The following SMAD1 variants were observed in gnomAD, a reference collection of about 807,000 sequenced individuals.
SMAD1 encodes the protein MAD, mothers against decapentaplegic homolog 1.
SMAD1 carries 6 observed loss-of-function variants against 41.6 expected under a neutral mutation model. The observed-to-expected ratio is 0.14, with a 90% CI of 0.08 to 0.28. The LOEUF (loss-of-function observed/expected upper bound fraction) is 0.28. Ranked by LOEUF, SMAD1 falls within the 10% of genes least tolerant of loss-of-function variation. The pLI is 1.00. For synonymous variants in SMAD1, 206 were observed against 203.2 expected (o/e 1.01, Z -0.12); for missense variants, 379 against 582.6 (o/e 0.65, Z 3.60).
intron 6 of SMAD1, among the ~76,000 whole-genome samples, chr4:145,554,260 G>A (rs1302677047): frequency 6.6e-6 from 1 of 151,790 alleles, no homozygotes; most frequent in Non-Finnish European, 1.5e-5. Context: ...ATAGCAGTAG[G>A]TTTTACTAGC....
chr4:145,549,537 A>G (rs1215957663), intron 5 of SMAD1, among the ~76,000 whole-genome samples: 5 of 152,236 alleles, frequency 3.3e-5, no homozygotes, highest in African/African-American at 4.8e-5. Context: ...GTAAATTGTC[A>G]CAATAGATGC....
intron 2 of SMAD1, among the ~76,000 whole-genome samples, chr4:145,531,371 T>C (rs1731310778): frequency 6.6e-6 from 1 of 152,200 alleles, no homozygotes; most frequent in South Asian, 2.1e-4. Context: ...AGGCATCATA[T>C]TGGGCACAGC....
chr4:145,493,996 C>G (rs1728917477), intron 1 of SMAD1, among the ~76,000 whole-genome samples: 1 of 152,214 alleles, frequency 6.6e-6, no homozygotes, highest in Non-Finnish European at 1.5e-5. Flanking sequence ...GAGTCTCACC[C>G]TGTCGCCCAG....
chr4:145,545,993 G>T (rs1436383154), intron 4 of SMAD1: 2 of 152,212 alleles, frequency 1.3e-5, no homozygotes, highest in Non-Finnish European at 2.9e-5. Context: ...TCTGGGAATG[G>T]AGAGACAAAA....
At position 145,528,624 on chromosome 4, in the gene SMAD1, A is replaced by G. The variant is rs1205504229; in HGVS notation, c.401-11180A>G. 2.0e-5 allele frequency among the ~76,000 whole-genome samples: 3 copies of G among 152,212 alleles called. No homozygotes were observed. The East Asian group carries it at 5.8e-4, about 29-fold the overall frequency. Reference sequence around the variant, plus strand: ...TCAAATATAAACTCAGAATGAGCTGAATATAATTAATTCAGCTGCAGTTAC... The same window carrying G: ...TCAAATATAAACTCAGAATGAGCTGGATATAATTAATTCAGCTGCAGTTAC... On this transcript the variant is annotated intron_variant, in intron 2 of 6. Coordinates refer to ENST00000302085, the MANE Select transcript of SMAD1 (RefSeq NM_005900.3).
intron 2 of SMAD1, among the ~76,000 whole-genome samples, chr4:145,528,157 G>T: frequency 6.6e-6 from 1 of 151,072 alleles, no homozygotes. Context: ...GGGCTGGAGT[G>T]CAGTGGCACG....
rs193212702 is a variant in SMAD1, at chr4:145,537,393, G to C, written c.401-2411G>C. Among the ~76,000 whole-genome samples the C allele has an allele frequency of 2.7e-4, 41 of 152,256 alleles. No homozygotes were observed. In the East Asian group the frequency reaches 7.3e-3, roughly 27 times the overall value. On this transcript the variant is annotated intron_variant, in intron 2 of 6. Transcript: ENST00000302085. ...GGAATGGAGGAGAGAGAATGAGTAA[G>C]TTAATGTGGCAAGATGTTAAAAATT...
In SMAD1 at chr4:145,553,995, C is replaced by T; in HGVS notation, c.1209C>T (p.Val403=). ...CTGTGAACCATGGATTTGAGACAGT[C>T]TATGAGCTTACAAAAATGTGTACTA... The part of the protein sequence containing the change: ...AQSVNHGFET[V]YELTKMCTIR... Residue 403 remains valine (V), a synonymous_variant, in exon 6 of 7, where the codon GTC becomes GTT. Transcript: ENST00000302085. 6.2e-7 allele frequency: 1 copy of T among 1,613,478 alleles called. No homozygotes were observed. Among genetic ancestry groups the T allele is most frequent in the Non-Finnish European group, 8.5e-7 (1 of 1,179,886 alleles).
In SMAD1 at chr4:145,558,080, A is replaced by C. The variant is rs878948834; in HGVS notation, c.*146A>C. On this transcript the variant is annotated 3_prime_UTR_variant, in exon 7 of 7. Coordinates refer to ENST00000302085, the MANE Select transcript of SMAD1 (RefSeq NM_005900.3). ...AACTGTTGGATTCAGAAATTTAAAC[A>C]AAAAAAAAAAAAAACACACACACCT... 29 of 141,946 alleles carry C rather than the reference A, an allele frequency of 2.0e-4. No individual in the cohort carries two copies. 8.8% of individuals were successfully genotyped at this position (141,946 alleles called of 1,614,324 possible). A position where few individuals can be genotyped will look rare whatever the true frequency, so the allele number is the denominator to read the frequency against.
chr4:145,528,384 T>A (rs1731149295), intron 2 of SMAD1, among the ~76,000 whole-genome samples: 1 of 152,040 alleles, frequency 6.6e-6, no homozygotes, highest in Admixed American at 6.6e-5. Context: ...ATTACAGGCG[T>A]AAGCCACTGC....
At chr4:145,509,900 GCTTT>G (rs1659618555) in intron 1 of SMAD1, among the ~76,000 whole-genome samples, 1 of 152,294 alleles carries the variant, frequency 6.6e-6, no homozygotes, top group African/African-American at 2.4e-5. Flanking sequence ...TCCGTATTTG[GCTTT>G]CTAAGTTCTT....
chr4:145,543,169 G>T (rs1322296703), intron 4 of SMAD1, among the ~76,000 whole-genome samples: 1 of 152,152 alleles, frequency 6.6e-6, no homozygotes. Context: ...GTTTCACCAT[G>T]TTGGCCAGGC....
intron 2 of SMAD1, among the ~76,000 whole-genome samples, chr4:145,535,083 G>A (rs1731538606): frequency 6.6e-6 from 1 of 151,912 alleles, no homozygotes; most frequent in Non-Finnish European, 1.5e-5. Context: ...ATAGAAAAGC[G>A]CTGTCTGAAA....
At chr4:145,524,034 G>A (rs1044760057) in intron 2 of SMAD1, among the ~76,000 whole-genome samples, 3 of 152,020 alleles carry the variant, frequency 2.0e-5, no homozygotes, top group Admixed American at 2.0e-4. Flanking sequence ...CAAAGTTCTG[G>A]GATTACAGGC....
chr4:145,493,353 C>T (rs1728879868), intron 1 of SMAD1, among the ~76,000 whole-genome samples: 1 of 152,226 alleles, frequency 6.6e-6, no homozygotes, highest in Non-Finnish European at 1.5e-5. Flanking sequence ...GCCATCTCAT[C>T]TATTACAGCT....
chr4:145,521,900 TAAAAA>T (rs10713518), intron 2 of SMAD1, among the ~76,000 whole-genome samples: 1 of 124,084 alleles, frequency 8.1e-6, no homozygotes, highest in East Asian at 2.3e-4. Flanking sequence ...TGGTTTTCTG[TAAAAA>T]AAAAAAAAAA....
intron 2 of SMAD1, among the ~76,000 whole-genome samples, chr4:145,521,888 A>G (rs1351378985): frequency 4.0e-5 from 6 of 148,992 alleles, no homozygotes; most frequent in Non-Finnish European, 1.5e-5. Flanking sequence ...TGATTTAACA[A>G]ATGGTTTTCT....
chr4:145,535,806 G>T (rs906716374), intron 2 of SMAD1, among the ~76,000 whole-genome samples: 24 of 152,114 alleles, frequency 1.6e-4, no homozygotes, highest in African/African-American at 5.5e-4. Context: ...CAATAAGAAT[G>T]AGAGAGGGGA....
intron 1 of SMAD1, among the ~76,000 whole-genome samples, chr4:145,484,981 T>C (rs939909137): frequency 1.3e-5 from 2 of 152,256 alleles, no homozygotes; most frequent in African/African-American, 4.8e-5. Context: ...CTTATTTTGC[T>C]TAAGTTTCTG....
Sources: gnomAD v4.1 joint callset for allele counts (sites outside exome capture counted in the v4.1 genomes callset) on GRCh38, gnomAD v4.1.1 for gene constraint, MANE v1.5 for transcripts, NCBI Gene and HGNC (gene_info 2026-07-23, HGNC 2026-07-21) for gene names.